Variants in HPSE2 observed in about 807,000 individuals in gnomAD.
HPSE2 encodes inactive heparanase-2.
A neutral mutation model predicts 60.5 loss-of-function variants in HPSE2; 38 were observed. That is an observed-to-expected ratio of 0.63 (90% confidence interval 0.48 to 0.82). HPSE2 has a LOEUF of 0.82. HPSE2 is among the 40% of genes least tolerant of loss of function. The pLI is 0.00. For missense variants in HPSE2, 713 were observed against 740.4 expected, an observed-to-expected ratio of 0.96 and a Z score of 0.43; for synonymous variants, 295 against 293.2, an observed-to-expected ratio of 1.01 and a Z score of -0.06.
At chr10:98,938,822 G>C (rs560684157) in intron 3 of HPSE2, among the ~76,000 whole-genome samples, 2 of 143,876 alleles carry the variant, frequency 1.4e-5, no homozygotes, top group Non-Finnish European at 3.0e-5. Context: ...AAAATGTTAA[G>C]GGCAGACAGA....
intron 3 of HPSE2, among the ~76,000 whole-genome samples, chr10:98,835,167 G>T (rs1466152464): frequency 1.3e-5 from 2 of 152,062 alleles, no homozygotes; most frequent in Non-Finnish European, 2.9e-5. Context: ...CCTGAAGCTG[G>T]TTGCCAATTT....
chr10:98,975,534 G>A (rs576288835), intron 3 of HPSE2, among the ~76,000 whole-genome samples: 1 of 152,216 alleles, frequency 6.6e-6, no homozygotes, highest in South Asian at 2.1e-4. Flanking sequence ...AACTGCAACA[G>A]TTGCTGAGAT....
At chr10:99,079,580 C>T (rs1843062946) in intron 3 of HPSE2, among the ~76,000 whole-genome samples, 1 of 152,252 alleles carries the variant, frequency 6.6e-6, no homozygotes, top group South Asian at 2.1e-4. Context: ...CAGCCTAAAC[C>T]ACCACGTCTG....
chr10:99,179,415 C>T (rs1422032529), intron 2 of HPSE2, among the ~76,000 whole-genome samples: 1 of 152,164 alleles, frequency 6.6e-6, no homozygotes, highest in Non-Finnish European at 1.5e-5. Context: ...TCAGCAAGGT[C>T]TCGGATACAA....
chr10:98,959,586 G>T (rs1955597749), intron 3 of HPSE2, among the ~76,000 whole-genome samples: 1 of 152,060 alleles, frequency 6.6e-6, no homozygotes, highest in African/African-American at 2.4e-5. Flanking sequence ...CATTTGAGAG[G>T]CTGTATTTCT....
chr10:98,994,529 A>G (rs1229622801), intron 3 of HPSE2, among the ~76,000 whole-genome samples: 2 of 152,218 alleles, frequency 1.3e-5, no homozygotes, highest in Non-Finnish European at 2.9e-5. Context: ...CTTATGTTTC[A>G]GTCTCACAGC....
chr10:99,204,867 T>G (rs923941733), intron 2 of HPSE2, among the ~76,000 whole-genome samples: 1 of 152,232 alleles, frequency 6.6e-6, no homozygotes, highest in Non-Finnish European at 1.5e-5. Context: ...TTTACTGCAA[T>G]AAAATATATG....
chr10:98,715,638 A>G (rs1157780125), intron 5 of HPSE2, among the ~76,000 whole-genome samples: 1 of 152,078 alleles, frequency 6.6e-6, no homozygotes. Context: ...CAGTACATAT[A>G]AGAGTTATGT....
At chr10:99,150,716 T>C (rs2805377) in intron 2 of HPSE2, among the ~76,000 whole-genome samples, 24,795 of 152,166 alleles carry the variant, frequency 0.16, 2,411 homozygotes, top group Admixed American at 0.24. Context: ...TAGCAGGCTA[T>C]ATGCACATGC....
intron 9 of HPSE2, among the ~76,000 whole-genome samples, chr10:98,502,991 C>T (rs181588851): frequency 6.6e-6 from 1 of 152,250 alleles, no homozygotes; most frequent in East Asian, 1.9e-4. Context: ...GCGGGTGGAT[C>T]ACCTGAGGCC....
chr10:98,992,352 C>A (rs906656183), intron 3 of HPSE2, among the ~76,000 whole-genome samples: 2 of 151,834 alleles, frequency 1.3e-5, no homozygotes, highest in Non-Finnish European at 2.9e-5. Flanking sequence ...AGTAATAATT[C>A]TCTAAAAGGA....
chr10:99,099,064 A>C (rs1025938081), intron 3 of HPSE2, among the ~76,000 whole-genome samples: 1 of 152,206 alleles, frequency 6.6e-6, no homozygotes, highest in African/African-American at 2.4e-5. Context: ...TCCCAGCGTG[A>C]GTGATGCAGA....
rs182074936 is a variant in HPSE2 at position 98,548,175 on chromosome 10, C to T, written c.1321-57979G>A. ...AAAGCATTATGGCCACAGAGAAGAA[C>T]ATATTACTCACTTCTAATAGCTCTT... is the stretch of plus-strand genomic sequence containing the variant. On this transcript the variant is annotated intron_variant, in intron 9 of 11. Coordinates refer to ENST00000370552, the MANE Select transcript of HPSE2 (RefSeq NM_021828.5). Among the ~76,000 whole-genome samples the T allele has an allele frequency of 2.1e-3, 323 of 152,236 alleles. 6 individuals carry two copies. The highest frequency in any genetic ancestry group is 2.6e-4 in the Non-Finnish European group (18 of 68,008).
At chr10:99,037,627 G>A (rs1002682241) in intron 3 of HPSE2, among the ~76,000 whole-genome samples, 2 of 151,872 alleles carry the variant, frequency 1.3e-5, no homozygotes, top group African/African-American at 4.8e-5. Flanking sequence ...ATAAGAAGGA[G>A]AAAGGAATAA....
Position 99,168,859 on chromosome 10 carries a change from AAGGT to A in HPSE2, c.449-24464_449-24461del, listed in dbSNP as rs1847187845. Among the ~76,000 whole-genome samples the A allele has an allele frequency of 2.6e-5, 4 of 152,348 alleles. No individual in the cohort carries two copies. The South Asian group carries it at 8.3e-4, about 32-fold the overall frequency. ...TAAACATAAAAAATGATTTCATTTC[AAGGT>A]AGATACCCTTTTTCAGGTTAAGGAG... is the stretch of plus-strand genomic sequence containing the variant. On this transcript the variant is annotated intron_variant, in intron 2 of 11. Transcript: ENST00000370552.
rs149727618 is a variant in HPSE2, at chr10:98,913,287, G to A, written c.611-169231C>T. ...CTCCAGTAGCCAATAAAGAAGTCCC[G>A]CAACCAAACTGGAGATGATTAAAGT... On this transcript the variant is annotated intron_variant, in intron 3 of 11. Coordinates refer to ENST00000370552, the MANE Select transcript of HPSE2 (RefSeq NM_021828.5). Among the ~76,000 whole-genome samples, 315 of 152,188 alleles carry A rather than the reference G, an allele frequency of 2.1e-3. 2 individuals are homozygous for A. Among genetic ancestry groups the A allele is most frequent in the African/African-American group, 7.2e-3 (298 of 41,546 alleles).
At chr10:98,948,846 TTTCTC>T (rs1955265805) in intron 3 of HPSE2, among the ~76,000 whole-genome samples, 4 of 152,132 alleles carry the variant, frequency 2.6e-5, no homozygotes, top group Admixed American at 2.6e-4. Context: ...GTAAATATGT[TTTCTC>T]TTTCTTATGA....
intron 4 of HPSE2, among the ~76,000 whole-genome samples, chr10:98,729,286 A>G (rs1220597284): frequency 6.6e-6 from 1 of 152,188 alleles, no homozygotes; most frequent in Non-Finnish European, 1.5e-5. Context: ...AAATACAAAC[A>G]GATTGAAGGT....
At chr10:99,013,399 A>C in intron 3 of HPSE2, 1 of 548,504 alleles carries the variant, frequency 1.8e-6, no homozygotes, top group Non-Finnish European at 3.4e-6. Context: ...TAGTATAGTA[A>C]GTGTTTCAGG....
Sources: allele counts gnomAD v4.1 joint callset (sites outside exome capture counted in the v4.1 genomes callset), GRCh38; gene constraint gnomAD v4.1.1; transcripts MANE v1.5; gene names NCBI Gene and HGNC (gene_info 2026-07-23, HGNC 2026-07-21).